Variants in WIPF3 observed in about 807,000 individuals in gnomAD.
WIPF3 encodes the protein WAS/WASL-interacting protein family member 3.
Under a neutral mutation model 38.9 loss-of-function variants are expected in WIPF3, and 33 were observed. That is an observed-to-expected ratio of 0.85 (90% CI 0.64 to 1.14). The LOEUF (loss-of-function observed/expected upper bound fraction) is 1.14. Among genes scored for constraint, WIPF3 ranks in the 50% most tolerant of loss-of-function variants. WIPF3 has a pLI of 0.00. For missense variants in WIPF3, 711 were observed against 652.5 expected, an observed-to-expected ratio of 1.09 and a Z score of -0.98; for synonymous variants, 324 against 269.3, an observed-to-expected ratio of 1.20 and a Z score of -1.99.
At position 29,884,309 on chromosome 7, in the gene WIPF3, A is replaced by AGC; in HGVS notation, c.815_816insGC (p.Tyr272Ter). ...PPLPLLPPCG[Y>*]PGLKAEPASP... ...CTCCCTCTGCTCCCACCTTGTGGGT[A>AGC]TCCGGGGCTCAAAGCGGAGCCCGCC... The change falls in exon 5 of 9, where the codon TAT (tyrosine) becomes TAGCT (stop). Residue 272 changes from tyrosine to a stop codon, truncating the protein, a stop_gained and frameshift_variant. Transcript: ENST00000242140. LOFTEE classifies it high-confidence loss of function. The AGC allele has an allele frequency of 8.5e-7, 1 of 1,179,328 alleles. No homozygotes were observed. The allele number at this position is 1,179,328 out of a possible 1,614,324, so 73.1% of individuals were successfully genotyped here.
rs144532525 is a variant in WIPF3, at chr7:29,878,706, C to T, written c.224-303C>T. On this transcript the variant is annotated intron_variant, in intron 3 of 8. Transcript: ENST00000242140. The surrounding 1 kb of genome is among the most constrained non-coding windows in gnomAD (Gnocchi z 4.0). Reference sequence around the variant, plus strand: ...TCTAATTCGAAGGTGCTGCCAGTTGCTCTGTTAGCATCTACAAAATGGCAG... The same window carrying T: ...TCTAATTCGAAGGTGCTGCCAGTTGTTCTGTTAGCATCTACAAAATGGCAG... Among the ~76,000 whole-genome samples, 392 of 152,330 alleles carry T rather than the reference C, an allele frequency of 2.6e-3. 3 individuals carry two copies. The highest frequency in any genetic ancestry group is 4.8e-3 in the Admixed American group (74 of 15,304).
At chr7:29,863,468 T>C (rs1402573195) in intron 2 of WIPF3, among the ~76,000 whole-genome samples, 3 of 152,272 alleles carry the variant, frequency 2.0e-5, no homozygotes, top group Admixed American at 1.3e-4. Flanking sequence ...TCTTGATTAC[T>C]GTAGTTTACA....
intron 7 of WIPF3, among the ~76,000 whole-genome samples, chr7:29,895,753 G>A (rs531666580): frequency 6.6e-6 from 1 of 152,100 alleles, no homozygotes; most frequent in Non-Finnish European, 1.5e-5. Flanking sequence ...GTTTGGAGGA[G>A]GTGCCACACA....
chr7:29,907,000 C>T (rs535540019), intron 8 of WIPF3, among the ~76,000 whole-genome samples: 1 of 152,178 alleles, frequency 6.6e-6, no homozygotes, highest in Non-Finnish European at 1.5e-5. Context: ...TACCACTAGA[C>T]CTGCCCTGCA....
intron 2 of WIPF3, among the ~76,000 whole-genome samples, chr7:29,838,203 CCACTGCG>C (rs1194551953): frequency 1.3e-5 from 2 of 152,168 alleles, no homozygotes; most frequent in Non-Finnish European, 2.9e-5. Context: ...CAGGCGTGAG[CCACTGCG>C]CCCAGCCTAG....
chr7:29,901,112 G>C (rs79468738), intron 7 of WIPF3, among the ~76,000 whole-genome samples: 3,414 of 152,280 alleles, frequency 0.022, 155 homozygotes, highest in African/African-American at 0.078. Context: ...AAGTGCAGTA[G>C]GTGCTTGAGA....
At chr7:29,884,650 T>C (rs529911873) in intron 5 of WIPF3, 57 bp downstream of exon 5, 2 of 1,530,522 alleles carry the variant, frequency 1.3e-6, no homozygotes, top group Admixed American at 4.2e-5. Context: ...ATCTCGTCGT[T>C]GCACAGGACT....
Position 29,884,141 on chromosome 7 carries a change from C to A in WIPF3, c.647C>A (p.Ala216Glu). 6.5e-7 allele frequency: 1 copy of A among 1,531,566 alleles called. No homozygotes were observed. Among genetic ancestry groups the A allele is most frequent in the Non-Finnish European group, 8.8e-7 (1 of 1,137,024 alleles). The allele number at this position is 1,531,566 out of a possible 1,614,324, so 94.9% of individuals were successfully genotyped here. ...ACCAAAGGGAACCTCCCGGTGGTTG[C>A]ACCCCCCGTCCCCTGTGCGCCACCA... ...PLTKGNLPVV[A>E]PPVPCAPPPP... Residue 216 changes from alanine to glutamate, a missense_variant, in exon 5 of 9, where the codon GCA becomes GAA. Physicochemically the swap from Ala to Glu is moderately radical, Grantham distance 107. Transcript: ENST00000242140.
chr7:29,828,904 C>T lies in WIPF3; in HGVS notation c.-57-5764C>T, dbSNP rs964180755. On this transcript the variant is annotated intron_variant, in intron 1 of 8. Transcript: ENST00000242140. ...CACAAGACAGATGAGCACCCCTGCC[C>T]AAGGAGGAAGATGCTTGCAGGGTAG... Among the ~76,000 whole-genome samples, 10 of 152,316 alleles carry T rather than the reference C, an allele frequency of 6.6e-5. No individual in the cohort carries two copies. In the East Asian group the frequency reaches 1.5e-3, roughly 24 times the overall value.
At chr7:29,895,047 G>T (rs1259955917) in intron 7 of WIPF3, among the ~76,000 whole-genome samples, 2 of 151,866 alleles carry the variant, frequency 1.3e-5, no homozygotes, top group South Asian at 2.1e-4. Flanking sequence ...TGCCTCCTGG[G>T]TTCAACCGAT....
chr7:29,872,487 C>T (rs1785512025), intron 2 of WIPF3, among the ~76,000 whole-genome samples: 1 of 152,012 alleles, frequency 6.6e-6, no homozygotes, highest in African/African-American at 2.4e-5. Flanking sequence ...AGAGGATTGG[C>T]GAACACTATA....
intron 3 of WIPF3, 53 bp downstream of exon 3, chr7:29,876,015 G>A (rs1785589594): frequency 5.8e-5 from 92 of 1,596,450 alleles, no homozygotes; most frequent in Non-Finnish European, 7.7e-5. Flanking sequence ...GGACAGGCAT[G>A]TGAGGCACAG....
At chr7:29,849,111 C>T (rs1785049507) in intron 2 of WIPF3, among the ~76,000 whole-genome samples, 2 of 152,022 alleles carry the variant, frequency 1.3e-5, no homozygotes, top group African/African-American at 2.4e-5. Context: ...GATTTATTCC[C>T]CTTATCTCGA....
intron 1 of WIPF3, among the ~76,000 whole-genome samples, chr7:29,827,734 A>G (rs964098677): frequency 3.3e-5 from 5 of 152,240 alleles, no homozygotes; most frequent in Admixed American, 3.3e-4. Context: ...GTGTCAAAAC[A>G]TACAAAGTTA....
intron 2 of WIPF3, among the ~76,000 whole-genome samples, chr7:29,838,132 A>G (rs1784843613): frequency 6.6e-6 from 1 of 152,182 alleles, no homozygotes; most frequent in Non-Finnish European, 1.5e-5. Context: ...GTTAGCCAGG[A>G]TGGTCTTGAT....
At chr7:29,895,590 A>G (rs1179321348) in intron 7 of WIPF3, among the ~76,000 whole-genome samples, 1 of 152,230 alleles carries the variant, frequency 6.6e-6, no homozygotes, top group Admixed American at 6.5e-5. Context: ...ATTTATAGGA[A>G]AAGAGGCGTA....
intron 2 of WIPF3, among the ~76,000 whole-genome samples, chr7:29,868,086 C>T (rs1032997366): frequency 1.3e-5 from 2 of 151,970 alleles, no homozygotes; most frequent in Non-Finnish European, 2.9e-5. Flanking sequence ...GCCTTGGCAG[C>T]GGAAAAGCAG....
At chr7:29,898,774 C>G (rs538297226) in intron 7 of WIPF3, among the ~76,000 whole-genome samples, 12 of 152,262 alleles carry the variant, frequency 7.9e-5, no homozygotes, top group South Asian at 6.2e-4. Flanking sequence ...TCTTTTCTCT[C>G]TTTATTTGAT....
At chr7:29,807,859 C>T (rs749897020) in intron 1 of WIPF3, among the ~76,000 whole-genome samples, 4 of 152,210 alleles carry the variant, frequency 2.6e-5, no homozygotes, top group Non-Finnish European at 5.9e-5. Context: ...CCCTCCGCCT[C>T]CTCCTTTCCA....
Sources: gnomAD v4.1 joint callset for allele counts (sites outside exome capture counted in the v4.1 genomes callset) on GRCh38, gnomAD v4.1.1 for gene constraint, Gnocchi (gnomAD v3.1) non-coding constraint, MANE v1.5 for transcripts, NCBI Gene and HGNC (gene_info 2026-07-23, HGNC 2026-07-21) for gene names.